The following LOC400499 variants were observed in gnomAD, a reference collection of about 807,000 sequenced individuals.
chr16:11,475,935 G>C, the LOC400499 span, among the ~76,000 whole-genome samples: 3 of 152,004 alleles, frequency 2.0e-5, no homozygotes, highest in Admixed American at 2.0e-4. Flanking sequence ...CCCACATGGA[G>C]GACAGCATGG....
chr16:11,420,867 G>A, the LOC400499 span, among the ~76,000 whole-genome samples: 1 of 152,192 alleles, frequency 6.6e-6, no homozygotes, highest in Non-Finnish European at 1.5e-5. Flanking sequence ...TACTGGGTGT[G>A]CGGGAAGCCC....
the LOC400499 span, among the ~76,000 whole-genome samples, chr16:11,432,564 A>G: frequency 0.52 from 79,063 of 152,020 alleles, 22,333 homozygotes; most frequent in African/African-American, 0.72. Context: ...TAAGGTTCCT[A>G]CTCCAGGGTC....
the LOC400499 span, chr16:11,478,672 C>T: frequency 2.3e-5 from 9 of 399,104 alleles, no homozygotes; most frequent in African/African-American, 1.2e-4. Context: ...CCGGGCCCCA[C>T]GCCTCCGGGT....
At chr16:11,461,147 G>C in the LOC400499 span, 8 of 1,522,152 alleles carry the variant, frequency 5.3e-6, no homozygotes, top group African/African-American at 1.4e-5. Context: ...AGGCAGATGA[G>C]AGGGTCAGCC....
At chr16:11,433,920 A>G in the LOC400499 span, among the ~76,000 whole-genome samples, 1 of 152,226 alleles carries the variant, frequency 6.6e-6, no homozygotes, top group African/African-American at 2.4e-5. Flanking sequence ...CAATGAATAA[A>G]TATATGTAAA....
the LOC400499 span, among the ~76,000 whole-genome samples, chr16:11,397,995 A>C: frequency 6.6e-6 from 1 of 152,102 alleles, no homozygotes; most frequent in African/African-American, 2.4e-5. Context: ...CAGGAGGGGA[A>C]AGGGGTTGAG....
At chr16:11,460,853 T>G in the LOC400499 span, 1 of 1,373,428 alleles carries the variant, frequency 7.3e-7, no homozygotes, top group Non-Finnish European at 9.6e-7. Context: ...GAATGACTAA[T>G]GGAAAACCCC....
At chr16:11,399,529 A>G in the LOC400499 span, 1 of 398,720 alleles carries the variant, frequency 2.5e-6, no homozygotes, top group South Asian at 1.3e-4. Flanking sequence ...TGAGCTGTTC[A>G]ACGAACACAG....
At chr16:11,500,403 T>G in the LOC400499 span, among the ~76,000 whole-genome samples, 2 of 151,836 alleles carry the variant, frequency 1.3e-5, no homozygotes, top group Admixed American at 6.6e-5. Flanking sequence ...CCCAGCTACT[T>G]GGGAGGCTGA....
chr16:11,500,029 T>C, the LOC400499 span, among the ~76,000 whole-genome samples: 117 of 152,346 alleles, frequency 7.7e-4, no homozygotes, highest in African/African-American at 2.7e-3. Flanking sequence ...GTAGAAATTA[T>C]TGACCTCATC....
the LOC400499 span, among the ~76,000 whole-genome samples, chr16:11,384,504 A>G: frequency 6.6e-6 from 1 of 152,122 alleles, no homozygotes; most frequent in African/African-American, 2.4e-5. Flanking sequence ...AACCCTCATC[A>G]GAGGAGGAAG....
the LOC400499 span, among the ~76,000 whole-genome samples, chr16:11,448,515 AAAAC>A: frequency 0.13 from 7,498 of 56,016 alleles, 266 homozygotes; most frequent in East Asian, 0.23. Flanking sequence ...CGTGTCTGCT[AAAAC>A]AAACAAACAA....
At chr16:11,509,460 C>T in the LOC400499 span, among the ~76,000 whole-genome samples, 1 of 151,886 alleles carries the variant, frequency 6.6e-6, no homozygotes, top group East Asian at 1.9e-4. Context: ...GCAGGACACA[C>T]CCTGCCTTGT....
At chr16:11,509,942 G>C in the LOC400499 span, among the ~76,000 whole-genome samples, 2 of 146,422 alleles carry the variant, frequency 1.4e-5, no homozygotes, top group Admixed American at 1.3e-4. Flanking sequence ...GCCAGGAATG[G>C]AGTGAGCCTC....
the LOC400499 span, among the ~76,000 whole-genome samples, chr16:11,481,213 A>G: frequency 1.8e-3 from 269 of 152,306 alleles, 2 homozygotes; most frequent in South Asian, 0.024. Context: ...GCTGCTGGGG[A>G]GTGACTCTTT....
At chr16:11,384,946 A>G in the LOC400499 span, 1 of 1,232,146 alleles carries the variant, frequency 8.1e-7, no homozygotes, top group Non-Finnish European at 1.0e-6. Flanking sequence ...CACAGGAGAC[A>G]GACACCCCGT....
the LOC400499 span, among the ~76,000 whole-genome samples, chr16:11,450,117 C>T: frequency 6.6e-6 from 1 of 152,224 alleles, no homozygotes; most frequent in African/African-American, 2.4e-5. Flanking sequence ...CCCAGACCTT[C>T]CCCACATCCA....
chr16:11,409,006 A>C, the LOC400499 span, among the ~76,000 whole-genome samples: 2 of 152,070 alleles, frequency 1.3e-5, no homozygotes, highest in Non-Finnish European at 1.5e-5. Context: ...CATGCCTGTA[A>C]TCCCAGCACT....
At chr16:11,480,890 C>A in the LOC400499 span, among the ~76,000 whole-genome samples, 106 of 152,332 alleles carry the variant, frequency 7.0e-4, no homozygotes, top group African/African-American at 2.5e-3. Flanking sequence ...AAACCAAAGT[C>A]AGACACAAAA....
Sources: gnomAD v4.1 joint callset for allele counts (sites outside exome capture counted in the v4.1 genomes callset) on GRCh38, gnomAD v4.1.1 for gene constraint, MANE v1.5 for transcripts.